SLC24A2: variants seen among roughly 807,000 people sequenced by gnomAD.
SLC24A2 encodes the protein sodium/potassium/calcium exchanger 2.
A neutral mutation model predicts 62.0 loss-of-function variants in SLC24A2; 36 were observed. The observed-to-expected ratio is 0.58, with a 90% CI of 0.44 to 0.77. The LOEUF is 0.77. Ranked by LOEUF, SLC24A2 falls within the 30% of genes least tolerant of loss-of-function variation. SLC24A2 has a pLI of 0.00. For synonymous variants in SLC24A2, 358 were observed against 294.0 expected (o/e 1.22, Z -2.23); for missense variants, 846 against 817.9 (o/e 1.03, Z -0.42).
chr9:20,305,469 T>C, the SLC24A2 span, among the ~76,000 whole-genome samples: 14 of 151,928 alleles, frequency 9.2e-5, no homozygotes, highest in Non-Finnish European at 1.9e-4. Context: ...TTAAAGGCTT[T>C]ATAATAGCAA....
At chr9:20,002,877 C>A in the SLC24A2 span, among the ~76,000 whole-genome samples, 1 of 152,224 alleles carries the variant, frequency 6.6e-6, no homozygotes, top group African/African-American at 2.4e-5. Context: ...AGCCTCCACA[C>A]ACATCCTCCA....
chr9:19,966,482 C>CA, the SLC24A2 span, among the ~76,000 whole-genome samples: 2 of 151,942 alleles, frequency 1.3e-5, no homozygotes, highest in African/African-American at 4.8e-5. Flanking sequence ...CTAAAGCTAC[C>CA]AAAAATTAAT....
the SLC24A2 span, among the ~76,000 whole-genome samples, chr9:19,818,648 A>G: frequency 1.3e-5 from 2 of 152,150 alleles, no homozygotes; most frequent in South Asian, 2.1e-4. Flanking sequence ...CAAGGAGTCG[A>G]AAGACCTCTA....
chr9:19,945,977 G>T, the SLC24A2 span, among the ~76,000 whole-genome samples: 1 of 152,194 alleles, frequency 6.6e-6, no homozygotes, highest in African/African-American at 2.4e-5. Context: ...CTCAAATACA[G>T]TAGAGAAGAT....
At chr9:20,083,786 A>G in the SLC24A2 span, among the ~76,000 whole-genome samples, 1 of 152,196 alleles carries the variant, frequency 6.6e-6, no homozygotes, top group African/African-American at 2.4e-5. Flanking sequence ...CCTACATTAG[A>G]GCCTGATATA....
At chr9:20,210,637 CTTTTTTTTTTTTTTTTTTTTTT>C in the SLC24A2 span, among the ~76,000 whole-genome samples, 4 of 80,876 alleles carry the variant, frequency 4.9e-5, no homozygotes, top group South Asian at 5.6e-4. Context: ...CAACGCCCGG[CTTTTTTTTTTTTTTTTTTTTTT>C]TTTTTTTTTT....
the SLC24A2 span, among the ~76,000 whole-genome samples, chr9:20,087,514 C>A: frequency 2.0e-5 from 3 of 152,156 alleles, no homozygotes; most frequent in African/African-American, 7.2e-5. Context: ...AAGTATAGAT[C>A]CAACTGGTCA....
At chr9:20,276,154 A>C in the SLC24A2 span, among the ~76,000 whole-genome samples, 1 of 152,154 alleles carries the variant, frequency 6.6e-6, no homozygotes, top group Non-Finnish European at 1.5e-5. Context: ...CTTAACTCAA[A>C]ATGTCCAAAG....
chr9:20,098,416 T>C, the SLC24A2 span, among the ~76,000 whole-genome samples: 3 of 152,214 alleles, frequency 2.0e-5, no homozygotes, highest in African/African-American at 4.8e-5. Context: ...AGAATCAAGA[T>C]AGATACTAAG....
the SLC24A2 span, among the ~76,000 whole-genome samples, chr9:20,014,113 C>A: frequency 7.9e-5 from 12 of 152,128 alleles, no homozygotes; most frequent in Admixed American, 7.9e-4. Flanking sequence ...AAGGCTGAGG[C>A]CAGAAGATCT....
At chr9:20,221,491 G>A in the SLC24A2 span, among the ~76,000 whole-genome samples, 1 of 152,042 alleles carries the variant, frequency 6.6e-6, no homozygotes, top group Admixed American at 6.6e-5. Context: ...GTTGTCAGAT[G>A]TTAAGAGGAG....
the SLC24A2 span, among the ~76,000 whole-genome samples, chr9:19,887,526 G>C: frequency 1.3e-5 from 2 of 152,208 alleles, no homozygotes; most frequent in Admixed American, 1.3e-4. Flanking sequence ...TGCAAGAATG[G>C]CTGTAATAAA....
the SLC24A2 span, among the ~76,000 whole-genome samples, chr9:19,835,034 T>C: frequency 6.6e-6 from 1 of 152,108 alleles, no homozygotes; most frequent in Admixed American, 6.5e-5. Flanking sequence ...CTGAGAGATT[T>C]TGTCACCACC....
the SLC24A2 span, among the ~76,000 whole-genome samples, chr9:19,933,065 T>C: frequency 2.0e-4 from 31 of 152,126 alleles, 1 homozygote; most frequent in Non-Finnish European, 5.9e-5. Context: ...GCGGGGAGGA[T>C]GGACTTGGGG....
chr9:20,266,230 G>A, the SLC24A2 span, among the ~76,000 whole-genome samples: 1 of 152,074 alleles, frequency 6.6e-6, no homozygotes, highest in Non-Finnish European at 1.5e-5. Context: ...ATAAAAACTT[G>A]CTGGTTTTGT....
chr9:20,134,734 C>A, the SLC24A2 span, among the ~76,000 whole-genome samples: 1 of 152,124 alleles, frequency 6.6e-6, no homozygotes, highest in Non-Finnish European at 1.5e-5. Context: ...GACTGTGTGT[C>A]TAACTGCACC....
chr9:20,005,816 G>A, the SLC24A2 span, among the ~76,000 whole-genome samples: 1 of 148,920 alleles, frequency 6.7e-6, no homozygotes, highest in Non-Finnish European at 1.5e-5. Flanking sequence ...GGAAAATCAT[G>A]AATAGTCAAA....
chr9:19,886,503 G>A, the SLC24A2 span, among the ~76,000 whole-genome samples: 8 of 152,226 alleles, frequency 5.3e-5, no homozygotes, highest in South Asian at 2.1e-4. Flanking sequence ...AAACCACAAC[G>A]AGATACCATC....
chr9:19,515,948 T>G lies in SLC24A2; in HGVS notation c.*205A>C. On this transcript the variant is annotated 3_prime_UTR_variant, in exon 11 of 11. Coordinates refer to ENST00000341998, the MANE Select transcript of SLC24A2 (RefSeq NM_020344.4). ...TTGACGGTTCTCTTTGTCTTTTACA[T>G]GAAGTCATTTCAGTAGGCAGGGTGG... is the stretch of plus-strand genomic sequence containing the variant. 1 of 644,380 alleles carries G rather than the reference T, an allele frequency of 1.6e-6. No homozygotes were observed. The highest frequency in any genetic ancestry group is 2.7e-6 in the Non-Finnish European group (1 of 364,498). The allele number at this position is 644,380 out of a possible 1,614,324, so 39.9% of individuals were successfully genotyped here.
Sources: allele counts gnomAD v4.1 joint callset (sites outside exome capture counted in the v4.1 genomes callset), GRCh38; gene constraint gnomAD v4.1.1; transcripts MANE v1.5; gene names NCBI Gene and HGNC (gene_info 2026-07-23, HGNC 2026-07-21).